Variants in DUSP4 observed in about 807,000 individuals in gnomAD.
DUSP4 encodes the protein dual specificity phosphatase 4, also known as dual specificity protein phosphatase 4.
A neutral mutation model predicts 27.2 loss-of-function variants in DUSP4; 12 were observed. That is an observed-to-expected ratio of 0.44 (90% CI 0.28 to 0.71). The LOEUF (loss-of-function observed/expected upper bound fraction) is 0.71. Among genes scored for constraint, DUSP4 ranks in the 30% least tolerant of loss-of-function variants. The pLI is 0.14. For missense variants in DUSP4, 448 were observed against 551.3 expected (o/e 0.81, Z 1.88); for synonymous variants, 257 against 245.2 (o/e 1.05, Z -0.45).
At chr8:29,348,054 TC>T in intron 1 of DUSP4, 1 of 985,582 alleles carries the variant, frequency 1.0e-6, no homozygotes, top group South Asian at 4.7e-5. Flanking sequence ...CCTCGGGATT[TC>T]TTCCAGGAAG....
In DUSP4 at chr8:29,350,370, A is replaced by C; in HGVS notation, c.-92T>G. ...AGAAAGGGGCGGGCGAGAGCTAAGA[A>C]GGGACGCCTGCAGAAGTGGCCGCAA... On this transcript the variant is annotated 5_prime_UTR_variant, in exon 1 of 4. Transcript: ENST00000240100. 1 of 1,432,428 alleles carries C rather than the reference A, an allele frequency of 7.0e-7. No individual in the cohort carries two copies. Among genetic ancestry groups the C allele is most frequent in the Non-Finnish European group, 9.2e-7 (1 of 1,087,720 alleles). The allele number at this position is 1,432,428 out of a possible 1,614,324, so 88.7% of individuals were successfully genotyped here. A position where few individuals can be genotyped will look rare whatever the true frequency, so the allele number is the denominator to read the frequency against.
In DUSP4 at chr8:29,337,010, G is replaced by T; in HGVS notation, c.*16C>A. ...TGCTGGGAGCCAGCTCTGGTTCTGG[G>T]GCCCCCAGGGCGGCTCTAACAGCTG... On this transcript the variant is annotated 3_prime_UTR_variant, in exon 4 of 4. Transcript: ENST00000240100. The surrounding 1 kb of genome is among the most constrained non-coding windows in gnomAD (Gnocchi z 6.4). 1 of 1,570,680 alleles carries T rather than the reference G, an allele frequency of 6.4e-7. No individual in the cohort carries two copies. The highest frequency in any genetic ancestry group is 8.6e-7 in the Non-Finnish European group (1 of 1,159,478).
rs575357215 is a variant in DUSP4, at chr8:29,336,028, C to G, written c.*998G>C. ...TCAGGAGGCCGAGGTGGGAGGATCTCTTGAGCCCAAGAGCTTGAGATGAGC... is the reference window on the plus strand; with the variant it reads ...TCAGGAGGCCGAGGTGGGAGGATCTGTTGAGCCCAAGAGCTTGAGATGAGC... On this transcript the variant is annotated 3_prime_UTR_variant, in exon 4 of 4. Transcript: ENST00000240100. The G allele has an allele frequency of 9.5e-4, 144 of 152,322 alleles. No individual in the cohort carries two copies. The highest frequency in any genetic ancestry group is 3.0e-3 in the African/African-American group (123 of 41,570). 9.4% of individuals were successfully genotyped at this position (152,322 alleles called of 1,614,324 possible). A position where few individuals can be genotyped will look rare whatever the true frequency, so the allele number is the denominator to read the frequency against.
chr8:29,343,565 C>A lies in DUSP4; in HGVS notation c.434-3322G>T, dbSNP rs1040051. ...TCCTGGTGGGCCCTTCTCCAGGGGGCACTGCCTGCAGGTTTCATCAAGTGA... is the reference window on the plus strand; with the variant it reads ...TCCTGGTGGGCCCTTCTCCAGGGGGAACTGCCTGCAGGTTTCATCAAGTGA... On this transcript the variant is annotated intron_variant, in intron 1 of 3. Transcript: ENST00000240100. Among the ~76,000 whole-genome samples, 948 of 152,304 alleles carry A rather than the reference C, an allele frequency of 6.2e-3. 7 individuals carry two copies. Among genetic ancestry groups the A allele is most frequent in the Admixed American group, 0.016 (246 of 15,304 alleles).
rs1383553764 is a variant in DUSP4 at position 29,349,946 on chromosome 8, G to C, written c.333C>G (p.Arg111=). The C allele has an allele frequency of 1.3e-6, 2 of 1,594,426 alleles. No homozygotes were observed. Among genetic ancestry groups the C allele is most frequent in the Admixed American group, 1.7e-5 (1 of 59,224 alleles). The change falls in exon 1 of 4, where the codon CGC becomes CGG. Residue 111 remains arginine (R), a synonymous_variant. Coordinates refer to ENST00000240100, the MANE Select transcript of DUSP4 (RefSeq NM_001394.7). ...CGCGGAGGCTCTCGGCGCGCGGGCT[G>C]CGCTCGTCGTAGACGATGACCGCCG... ...LYSAVIVYDE[R]SPRAESLRED... is the part of the protein sequence containing the mutation.
intron 1 of DUSP4, among the ~76,000 whole-genome samples, chr8:29,346,875 T>G (rs565123748): frequency 2.0e-5 from 3 of 152,332 alleles, no homozygotes; most frequent in East Asian, 1.9e-4. Flanking sequence ...TTAGATAGCT[T>G]TGGCTGGACA....
intron 1 of DUSP4, chr8:29,345,816 T>C (rs1587051215): frequency 2.5e-6 from 3 of 1,182,726 alleles, no homozygotes; most frequent in Non-Finnish European, 3.1e-6. Flanking sequence ...AGACATCCAA[T>C]GTAAATGGTG....
chr8:29,347,004 C>G (rs1000933015), intron 1 of DUSP4, among the ~76,000 whole-genome samples: 1 of 152,220 alleles, frequency 6.6e-6, no homozygotes, highest in Admixed American at 6.5e-5. Context: ...TTTACAGACA[C>G]GCACAGGCAC....
At chr8:29,343,406 T>C (rs1395887779) in intron 1 of DUSP4, among the ~76,000 whole-genome samples, 1 of 151,896 alleles carries the variant, frequency 6.6e-6, no homozygotes, top group Non-Finnish European at 1.5e-5. Context: ...ACAGTGAAGG[T>C]GATGCGGGAG....
intron 1 of DUSP4, chr8:29,348,646 C>CT: frequency 2.0e-6 from 2 of 985,432 alleles, no homozygotes; most frequent in Non-Finnish European, 2.4e-6. Flanking sequence ...TTTTGTTGTG[C>CT]TTTTTGGAGG....
At position 29,333,793 on chromosome 8, in the gene DUSP4, C is replaced by T. The variant is rs374027765; in HGVS notation, c.*3233G>A. The T allele has an allele frequency of 6.6e-6, 1 of 152,262 alleles. No individual in the cohort carries two copies. Among genetic ancestry groups the T allele is most frequent in the East Asian group, 1.9e-4 (1 of 5,206 alleles). 9.4% of individuals were successfully genotyped at this position (152,262 alleles called of 1,614,324 possible). On this transcript the variant is annotated 3_prime_UTR_variant, in exon 4 of 4. Transcript: ENST00000240100. ...ACTGTATAAGTTCCCCAAGTAATTCCAATGCGGGACCATGGCTTTACTACT... is the reference window on the plus strand; with the variant it reads ...ACTGTATAAGTTCCCCAAGTAATTCTAATGCGGGACCATGGCTTTACTACT...
In DUSP4 at chr8:29,334,774, A is replaced by C. The variant is rs1420291802; in HGVS notation, c.*2252T>G. The C allele has an allele frequency of 2.0e-5, 3 of 152,190 alleles. No homozygotes were observed. The highest frequency in any genetic ancestry group is 4.4e-5 in the Non-Finnish European group (3 of 68,050). 9.4% of individuals were successfully genotyped at this position (152,190 alleles called of 1,614,324 possible). A position where few individuals can be genotyped will look rare whatever the true frequency, so the allele number is the denominator to read the frequency against. ...GGAAATGTCCAACTGTGTTGTCTCT[A>C]AATGGTTCCATTGTCTGGGAACTGA... On this transcript the variant is annotated 3_prime_UTR_variant, in exon 4 of 4. Coordinates refer to ENST00000240100, the MANE Select transcript of DUSP4 (RefSeq NM_001394.7).
chr8:29,345,684 G>A (rs1388147762), intron 1 of DUSP4: 156 of 1,418,116 alleles, frequency 1.1e-4, no homozygotes, highest in Non-Finnish European at 1.4e-4. Context: ...CATTTTTGTG[G>A]GTGGAGCCCA....
At chr8:29,348,931 G>A (rs931254478) in intron 1 of DUSP4, 5 of 283,124 alleles carry the variant, frequency 1.8e-5, no homozygotes, top group Non-Finnish European at 2.7e-5. Flanking sequence ...TCCCTAGCCC[G>A]AGGGCCGCGG....
Position 29,336,888 on chromosome 8 carries a change from G to C in DUSP4, c.*138C>G. The C allele has an allele frequency of 1.5e-6, 2 of 1,291,232 alleles. No individual in the cohort carries two copies. Among genetic ancestry groups the C allele is most frequent in the Non-Finnish European group, 1.0e-6 (1 of 971,512 alleles). 80.0% of individuals were successfully genotyped at this position (1,291,232 alleles called of 1,614,324 possible). A position where few individuals can be genotyped will look rare whatever the true frequency, so the allele number is the denominator to read the frequency against. ...CCTTATTGCCATTCTGGCTGGCCTC[G>C]TCGTTGGCCAAGGAGAAATGATGGG... On this transcript the variant is annotated 3_prime_UTR_variant, in exon 4 of 4. Coordinates refer to ENST00000240100, the MANE Select transcript of DUSP4 (RefSeq NM_001394.7).
intron 1 of DUSP4, chr8:29,348,663 G>A: frequency 1.0e-6 from 1 of 985,424 alleles, no homozygotes; most frequent in Non-Finnish European, 1.2e-6. Context: ...GAGGGGAGAG[G>A]TTTCCGCCCC....
intron 1 of DUSP4, among the ~76,000 whole-genome samples, chr8:29,344,001 A>T (rs569913655): frequency 6.6e-6 from 1 of 152,272 alleles, no homozygotes; most frequent in African/African-American, 2.4e-5. Flanking sequence ...ATGAAAGGGA[A>T]AGCTTATTCT....
At chr8:29,338,569 A>G (rs982355600) in intron 2 of DUSP4, 68 bp from the exon 3 acceptor site, 1 of 1,513,320 alleles carries the variant, frequency 6.6e-7, no homozygotes, top group African/African-American at 1.4e-5. Flanking sequence ...AGGGAGTGGA[A>G]GCTTGTCTGA....
rs868607824 is a variant in DUSP4, at chr8:29,348,534, T to C, written c.433+1312A>G. ...GTTCAACCAAAGGTCAACAGCAGCG[T>C]TTCCCCAGCAGCTGACAGGTCAAAT... On this transcript the variant is annotated intron_variant, in intron 1 of 3. Coordinates refer to ENST00000240100, the MANE Select transcript of DUSP4 (RefSeq NM_001394.7). The C allele has an allele frequency of 2.3e-5, 23 of 985,316 alleles. No individual in the cohort carries two copies. In the South Asian group the frequency reaches 8.5e-4, roughly 36 times the overall value. The allele number at this position is 985,316 out of a possible 1,614,324, so 61.0% of individuals were successfully genotyped here. A position where few individuals can be genotyped will look rare whatever the true frequency, so the allele number is the denominator to read the frequency against.
Sources: gnomAD v4.1 joint callset for allele counts (sites outside exome capture counted in the v4.1 genomes callset) on GRCh38, gnomAD v4.1.1 for gene constraint, Gnocchi (gnomAD v3.1) non-coding constraint, MANE v1.5 for transcripts, NCBI Gene and HGNC (gene_info 2026-07-23, HGNC 2026-07-21) for gene names.